The following MAP4 variants were observed in gnomAD, a reference collection of about 807,000 sequenced individuals.
MAP4 encodes the protein microtubule-associated protein 4.
A neutral mutation model predicts 170.2 loss-of-function variants in MAP4; 76 were observed. The observed-to-expected ratio is 0.45, with a 90% confidence interval of 0.37 to 0.54. The LOEUF (loss-of-function observed/expected upper bound fraction) is 0.54, where lower values mean the gene tolerates loss of function less well. MAP4 is among the 20% of genes least tolerant of loss of function. The pLI is 0.00. For missense variants in MAP4, 2,506 were observed against 2,748.0 expected (o/e 0.91, Z 1.97); for synonymous variants, 909 against 994.5 (o/e 0.91, Z 1.62).
At chr3:47,858,188 T>C (rs534522820) in intron 17 of MAP4, among the ~76,000 whole-genome samples, 17 of 151,820 alleles carry the variant, frequency 1.1e-4, no homozygotes, top group Non-Finnish European at 1.9e-4. Flanking sequence ...TAATTTTGTA[T>C]TTTTAGTAGA....
chr3:48,004,418 C>G (rs893558600), intron 1 of MAP4, among the ~76,000 whole-genome samples: 1 of 152,140 alleles, frequency 6.6e-6, no homozygotes, highest in Non-Finnish European at 1.5e-5. Flanking sequence ...GGAAAACCAA[C>G]GAACATAATG....
At chr3:47,891,504 A>G (rs545625094) in intron 10 of MAP4, 1 of 1,515,754 alleles carries the variant, frequency 6.6e-7, no homozygotes, top group Admixed American at 2.0e-5. Context: ...AGCAGGCCAG[A>G]AGAAGGCTCT....
At chr3:47,944,024 G>A (rs1377353606) in intron 3 of MAP4, among the ~76,000 whole-genome samples, 2 of 151,902 alleles carry the variant, frequency 1.3e-5, no homozygotes, top group African/African-American at 4.8e-5. Context: ...AAAAACATGT[G>A]TCCCTGGCAA....
At chr3:48,024,334 T>A (rs536726808) in intron 1 of MAP4, among the ~76,000 whole-genome samples, 9 of 151,976 alleles carry the variant, frequency 5.9e-5, no homozygotes, top group Middle Eastern at 3.4e-3. Context: ...AATAAAAAAA[T>A]TTTAAAAATG....
At chr3:47,929,510 C>T (rs2153811826) in intron 3 of MAP4, among the ~76,000 whole-genome samples, 1 of 151,124 alleles carries the variant, frequency 6.6e-6, no homozygotes, top group South Asian at 2.1e-4. Context: ...AACCCAGAAA[C>T]AAATTTTTTT....
intron 1 of MAP4, among the ~76,000 whole-genome samples, chr3:48,055,035 C>G (rs139566277): frequency 1.8e-3 from 276 of 152,284 alleles, no homozygotes; most frequent in Middle Eastern, 3.4e-3. Context: ...CTCAATACCC[C>G]TTCCAAGGTG....
chr3:47,975,415 T>C (rs1455359420), intron 3 of MAP4: 5 of 1,561,972 alleles, frequency 3.2e-6, no homozygotes, highest in Non-Finnish European at 4.3e-6. Flanking sequence ...TTAGGAAAGA[T>C]CACTGGTCTG....
At chr3:48,021,359 T>G (rs914917436), upstream of MAP4, among the ~76,000 whole-genome samples, 9 of 152,048 alleles carry the variant, frequency 5.9e-5, no homozygotes, top group African/African-American at 1.9e-4. Context: ...TTTTGTTTTT[T>G]TTTTTAGACA....
At chr3:48,056,022 G>A (rs2100131067) in intron 1 of MAP4, among the ~76,000 whole-genome samples, 1 of 143,512 alleles carries the variant, frequency 7.0e-6, no homozygotes, top group African/African-American at 2.5e-5. Flanking sequence ...TGCCCCGTCT[G>A]AGAAGTGAGG....
In MAP4 at chr3:48,008,084, C is replaced by T. The variant is rs905821941; in HGVS notation, c.-20+8250G>A. Among the ~76,000 whole-genome samples, 3 of 152,170 alleles carry T rather than the reference C, an allele frequency of 2.0e-5. No homozygotes were observed. The South Asian group carries it at 6.2e-4, about 31-fold the overall frequency. ...ATCATGAGCTGGGTGCTTTCAGACC[C>T]ATCTAGCCATACAGTGGATTGTGCA... On this transcript the variant is annotated intron_variant, in intron 1 of 20. Coordinates refer to ENST00000683076, the MANE Select transcript of MAP4 (RefSeq NM_001385682.1).
Position 47,892,398 on chromosome 3 carries a change from T to C in MAP4, c.5434+10552A>G, listed in dbSNP as rs77388246. 5.5e-5 allele frequency: 85 copies of C among 1,536,246 alleles called. No individual in the cohort carries two copies. The East Asian group carries it at 2.0e-3, about 36-fold the overall frequency. ...TCGAATCCGGCTTGACTGATTTCTTTTGGGGAGTCCATTCGGCACTCTGCA... is the reference window on the plus strand; with the variant it reads ...TCGAATCCGGCTTGACTGATTTCTTCTGGGGAGTCCATTCGGCACTCTGCA... On this transcript the variant is annotated intron_variant, in intron 10 of 20. Transcript: ENST00000683076.
chr3:47,956,225 G>A (rs1388955490), intron 3 of MAP4, among the ~76,000 whole-genome samples: 1 of 152,146 alleles, frequency 6.6e-6, no homozygotes, highest in Non-Finnish European at 1.5e-5. Flanking sequence ...TACATAGGAG[G>A]TAGCTCAGAC....
At chr3:47,951,241 G>A (rs2100063554) in intron 3 of MAP4, among the ~76,000 whole-genome samples, 2 of 152,128 alleles carry the variant, frequency 1.3e-5, no homozygotes, top group Admixed American at 1.3e-4. Context: ...AAAATGCAAT[G>A]CTACCTTCAT....
chr3:47,854,929 G>A (rs1236797344), intron 19 of MAP4, among the ~76,000 whole-genome samples: 1 of 152,204 alleles, frequency 6.6e-6, no homozygotes, highest in Non-Finnish European at 1.5e-5. Context: ...CAGAACCCCC[G>A]CTCGCCTGGG....
At chr3:48,066,761 A>G (rs2100138414) in intron 1 of MAP4, among the ~76,000 whole-genome samples, 6 of 149,904 alleles carry the variant, frequency 4.0e-5, no homozygotes, top group Admixed American at 4.0e-4. Context: ...ACCGAGGGAC[A>G]ACTGTATTTG....
At chr3:47,925,104 C>G (rs567187981) in intron 4 of MAP4, among the ~76,000 whole-genome samples, 2 of 152,294 alleles carry the variant, frequency 1.3e-5, no homozygotes, top group East Asian at 3.9e-4. Context: ...GCCACCGTGC[C>G]CGGCTGAAGC....
intron 18 of MAP4, among the ~76,000 whole-genome samples, chr3:47,857,097 G>A (rs1463608087): frequency 6.6e-6 from 1 of 152,246 alleles, no homozygotes; most frequent in East Asian, 1.9e-4. Context: ...TCCTTCAGCA[G>A]TAGCTTCTGT....
intron 2 of MAP4, among the ~76,000 whole-genome samples, chr3:47,979,824 T>C (rs1266811177): frequency 6.6e-6 from 1 of 151,918 alleles, no homozygotes; most frequent in Non-Finnish European, 1.5e-5. Flanking sequence ...TGTTTTTGTT[T>C]GTTTTGTTTT....
intron 3 of MAP4, among the ~76,000 whole-genome samples, chr3:47,938,899 C>T (rs1055109314): frequency 1.3e-5 from 2 of 152,208 alleles, no homozygotes; most frequent in Non-Finnish European, 2.9e-5. Context: ...GTGTTTAGGG[C>T]TTCAACAACA....
Sources: allele counts gnomAD v4.1 joint callset (sites outside exome capture counted in the v4.1 genomes callset), GRCh38; gene constraint gnomAD v4.1.1; transcripts MANE v1.5; gene names NCBI Gene and HGNC (gene_info 2026-07-23, HGNC 2026-07-21).